The following SRP72 variants were observed in gnomAD, a reference collection of about 807,000 sequenced individuals.
SRP72 encodes signal recognition particle 72, also known as signal recognition particle subunit SRP72.
Under a neutral mutation model 96.3 loss-of-function variants are expected in SRP72, and 49 were observed. The ratio of observed to expected loss-of-function variants is 0.51; its 90% CI spans 0.40 to 0.65. SRP72 has a LOEUF of 0.65. Ranked by LOEUF, SRP72 falls within the 30% of genes least tolerant of loss-of-function variation. SRP72 has a pLI of 0.00. For synonymous variants in SRP72, 267 were observed against 275.2 expected (o/e 0.97, Z 0.30); for missense variants, 736 against 793.3 (o/e 0.93, Z 0.87).
chr4:56,478,161 T>C, intron 6 of SRP72, among the ~76,000 whole-genome samples: 1 of 151,526 alleles, frequency 6.6e-6, no homozygotes, highest in Non-Finnish European at 1.5e-5. Context: ...TTTCTTTTTT[T>C]TTTTTTTTTC....
chr4:56,500,510 C>T (rs1457194462), intron 17 of SRP72, 26 bp from the exon 18 acceptor site: 1 of 1,605,884 alleles, frequency 6.2e-7, no homozygotes, highest in Non-Finnish European at 8.5e-7. Flanking sequence ...TGACACATCT[C>T]TCATTTCTTT....
rs1720341712 is a variant in SRP72, at chr4:56,478,576, T to C, written c.768-16T>C. The C allele has an allele frequency of 1.9e-6, 3 of 1,613,776 alleles. No homozygotes were observed. The highest frequency in any genetic ancestry group is 2.5e-6 in the Non-Finnish European group (3 of 1,179,866). The stretch of plus-strand genomic sequence containing the variant: ...TAAAGGTTTGTTTGGTTTTGACTGT[T>C]GCTTGTTGTTCACAGACCAACAGAT... On this transcript the variant is annotated splice_polypyrimidine_tract_variant and intron_variant, in intron 7 of 18. Transcript: ENST00000642900.
intron 9 of SRP72, 35 bp from the exon 10 acceptor site, chr4:56,484,701 G>GTT (rs1560682409): frequency 6.2e-7 from 1 of 1,610,196 alleles, no homozygotes; most frequent in South Asian, 1.1e-5. Context: ...TCATTAACCA[G>GTT]TTTATTTTTC....
intron 16 of SRP72, among the ~76,000 whole-genome samples, chr4:56,494,854 GAGTA>G (rs1407689734): frequency 6.6e-6 from 1 of 152,096 alleles, no homozygotes; most frequent in Non-Finnish European, 1.5e-5. Context: ...AAAAGTGTAA[GAGTA>G]AGTAAAAAGT....
chr4:56,498,821 C>T (rs1312484606), intron 17 of SRP72, among the ~76,000 whole-genome samples: 4 of 152,138 alleles, frequency 2.6e-5, no homozygotes, highest in African/African-American at 2.4e-5. Flanking sequence ...GAATCAATAT[C>T]GTGAAAATGG....
chr4:56,489,059 ACAC>A, intron 12 of SRP72: 1 of 183,064 alleles, frequency 5.5e-6, no homozygotes, highest in Admixed American at 5.9e-5. Flanking sequence ...CACTGATCAT[ACAC>A]TTAAATGTCC....
At position 56,470,537 on chromosome 4, in the gene SRP72, C is replaced by CAAAAAAAA. The variant is rs753714537; in HGVS notation, c.230+771_230+778dup. ...CCTGGGTGACGGGGAGACTCCGTCT[C>CAAAAAAAA]AAAAAAAAAAAAAAGTCATTTGTAG... is the stretch of plus-strand genomic sequence containing the variant. On this transcript the variant is annotated intron_variant, in intron 2 of 18. Coordinates refer to ENST00000642900, the MANE Select transcript of SRP72 (RefSeq NM_006947.4). Among the ~76,000 whole-genome samples, 5 of 129,816 alleles carry CAAAAAAAA rather than the reference C, an allele frequency of 3.9e-5. No individual in the cohort carries two copies. In the East Asian group the frequency reaches 8.3e-4, roughly 22 times the overall value. The allele number at this position is 129,816 out of a possible 152,430, so 85.2% of individuals were successfully genotyped here. A position where few individuals can be genotyped will look rare whatever the true frequency, so the allele number is the denominator to read the frequency against.
intron 8 of SRP72, among the ~76,000 whole-genome samples, chr4:56,481,387 A>G (rs1327122985): frequency 6.6e-6 from 1 of 152,174 alleles, no homozygotes; most frequent in East Asian, 1.9e-4. Flanking sequence ...GCTTCTCAGG[A>G]TGCAATCAGT....
chr4:56,469,172 T>C (rs1367508577), intron 1 of SRP72, among the ~76,000 whole-genome samples: 1 of 152,210 alleles, frequency 6.6e-6, no homozygotes, highest in Non-Finnish European at 1.5e-5. Flanking sequence ...TCTAATCATT[T>C]TGTAGCTAAG....
rs1720336111 is a variant in SRP72 at position 56,478,447 on chromosome 4, G to A, written c.711G>A (p.Gln237=). 6.2e-7 allele frequency: 1 copy of A among 1,613,812 alleles called. No homozygotes were observed. The highest frequency in any genetic ancestry group is 8.5e-7 in the Non-Finnish European group (1 of 1,180,000). ...IIHGQMAYIL[Q]LQGRTEEALQ... Reference sequence around the variant, plus strand: ...ATGGTCAGATGGCTTATATTCTGCAGCTTCAGGGTCGAACAGAGGAGGCTT... The same window carrying A: ...ATGGTCAGATGGCTTATATTCTGCAACTTCAGGGTCGAACAGAGGAGGCTT... The change falls in exon 7 of 19, where the codon CAG becomes CAA. Residue 237 remains glutamine (Q), a synonymous_variant. Transcript: ENST00000642900.
At chr4:56,478,539 T>TGA (rs1560678664) in intron 7 of SRP72, 36 bp downstream of exon 7, 1 of 1,612,830 alleles carries the variant, frequency 6.2e-7, no homozygotes, top group Non-Finnish European at 8.5e-7. Context: ...TTATAGGGGA[T>TGA]GGGGTTCTTT....
intron 17 of SRP72, 116 bp from the exon 18 acceptor site, chr4:56,500,419 CA>C (rs1721223524): frequency 2.6e-6 from 3 of 1,141,296 alleles, no homozygotes; most frequent in East Asian, 2.5e-5. Context: ...TAAACTTTCT[CA>C]AATAAATTCA....
chr4:56,476,568 C>A, intron 5 of SRP72, 103 bp from the exon 6 acceptor site: 2 of 1,215,938 alleles, frequency 1.6e-6, no homozygotes, highest in Non-Finnish European at 2.4e-6. Context: ...CTACGATTAT[C>A]TTGGAATCTT....
At chr4:56,471,879 A>G (rs769611675) in intron 3 of SRP72, 36 bp downstream of exon 3, 3 of 1,610,734 alleles carry the variant, frequency 1.9e-6, no homozygotes, top group African/African-American at 2.7e-5. Context: ...TGACAGTGAT[A>G]CTGAGTGAGC....
At chr4:56,499,158 G>A (rs1455277962) in intron 17 of SRP72, among the ~76,000 whole-genome samples, 1 of 151,698 alleles carries the variant, frequency 6.6e-6, no homozygotes, top group African/African-American at 2.4e-5. Context: ...CAAAAGCAAT[G>A]GGGAAAGGAT....
chr4:56,474,070 G>A lies in SRP72; in HGVS notation c.371G>A (p.Arg124His), dbSNP rs745506634. The change falls in exon 4 of 19, where the codon CGC becomes CAC. Residue 124 changes from arginine (R) to histidine (H), a missense_variant. Transcript: ENST00000642900. ...LYGQVLYRLE[R>H]YDECLAVYRD... is the part of the protein sequence containing the mutation. ...ATTATTCAGTTATACCGTTTGGAACGCTATGATGAATGCTTAGCAGTGTAT... is the reference window on the plus strand; with the variant it reads ...ATTATTCAGTTATACCGTTTGGAACACTATGATGAATGCTTAGCAGTGTAT... 13 of 1,613,668 alleles carry A rather than the reference G, an allele frequency of 8.1e-6. No homozygotes were observed. In the Admixed American group the frequency reaches 1.5e-4, roughly 19 times the overall value.
At chr4:56,488,778 A>G (rs1454934100) in intron 12 of SRP72, among the ~76,000 whole-genome samples, 1 of 151,876 alleles carries the variant, frequency 6.6e-6, no homozygotes, top group Non-Finnish European at 1.5e-5. Context: ...CTCATTCCTG[A>G]TATTGGTTAT....
At chr4:56,500,514 T>C in intron 17 of SRP72, 22 bp from the exon 18 acceptor site, 1 of 1,607,838 alleles carries the variant, frequency 6.2e-7, no homozygotes, top group Non-Finnish European at 8.5e-7. Context: ...ACATCTCTCA[T>C]TTCTTTATAA....
In SRP72 at chr4:56,484,815, C is replaced by T; in HGVS notation, c.1037C>T (p.Ala346Val). The stretch of plus-strand genomic sequence containing the variant: ...CTCTTACCTGTGTTAATCCAAGCTG[C>T]CCAGCTCTGCCGTGAAAAGCAGCAC... Reference protein sequence around the residue: ...EHLLPVLIQAAQLCREKQHTK... With the variant: ...EHLLPVLIQAVQLCREKQHTK... Residue 346 changes from alanine (A) to valine (V), a missense_variant, in exon 10 of 19, where the codon GCC (alanine) becomes GTC (valine). This residue lies in a region of SRP72 where 388 missense variants were observed against 431.8 expected (regional missense o/e 0.90). Coordinates refer to ENST00000642900, the MANE Select transcript of SRP72 (RefSeq NM_006947.4). 1.2e-6 allele frequency: 2 copies of T among 1,614,050 alleles called. No homozygotes were observed. The highest frequency in any genetic ancestry group is 1.7e-6 in the Non-Finnish European group (2 of 1,180,014).
Sources: allele counts gnomAD v4.1 joint callset (sites outside exome capture counted in the v4.1 genomes callset), GRCh38; gene constraint gnomAD v4.1.1; regional missense constraint gnomAD v4.1.1; transcripts MANE v1.5; gene names NCBI Gene and HGNC (gene_info 2026-07-23, HGNC 2026-07-21).